Variants in FHIT observed in about 807,000 individuals in gnomAD.
FHIT encodes the protein bis(5'-adenosyl)-triphosphatase.
Under a neutral mutation model 17.9 loss-of-function variants are expected in FHIT, and 19 were observed. That is an observed-to-expected ratio of 1.06 (90% CI 0.74 to 1.56). The LOEUF is 1.56. Ranked by LOEUF, FHIT falls within the 40% of genes most tolerant of loss-of-function variation. The probability of loss-of-function intolerance (pLI) is 0.00; values close to 1 mark genes in which losing one functional copy is unlikely to be tolerated. For synonymous variants in FHIT, 81 were observed against 69.7 expected (o/e 1.16, Z -0.81); for missense variants, 248 against 189.2 (o/e 1.31, Z -1.82).
intron 8 of FHIT, among the ~76,000 whole-genome samples, chr3:59,901,507 G>A (rs184478483): frequency 4.3e-4 from 65 of 152,298 alleles, no homozygotes; most frequent in African/African-American, 1.5e-3. Context: ...AAATGACCAA[G>A]GGGCATGTGG....
chr3:60,985,468 G>C (rs1160120315), intron 3 of FHIT, among the ~76,000 whole-genome samples: 1 of 152,062 alleles, frequency 6.6e-6, no homozygotes, highest in Non-Finnish European at 1.5e-5. Context: ...ATGCCCCACT[G>C]CCTATGGCCA....
chr3:61,043,720 T>C (rs575430496), intron 2 of FHIT, among the ~76,000 whole-genome samples: 9 of 152,192 alleles, frequency 5.9e-5, no homozygotes, highest in Admixed American at 2.0e-4. Flanking sequence ...AACTGGGAGA[T>C]ACCTCCCAGT....
intron 2 of FHIT, among the ~76,000 whole-genome samples, chr3:61,136,204 A>G (rs2036910094): frequency 6.6e-6 from 1 of 151,862 alleles, no homozygotes; most frequent in South Asian, 2.1e-4. Context: ...CAATGCCACC[A>G]CCACCACCGT....
intron 8 of FHIT, among the ~76,000 whole-genome samples, chr3:59,762,429 A>G (rs1198013309): frequency 2.0e-5 from 3 of 152,172 alleles, no homozygotes; most frequent in African/African-American, 4.8e-5. Flanking sequence ...CATTTTCCAC[A>G]TAAAACAAGG....
intron 5 of FHIT, among the ~76,000 whole-genome samples, chr3:60,447,480 T>C (rs545544336): frequency 7.2e-5 from 11 of 152,190 alleles, no homozygotes; most frequent in Non-Finnish European, 1.3e-4. Flanking sequence ...CAACTCATTC[T>C]TAGTTCAATG....
At chr3:61,143,127 C>G (rs902961056) in intron 2 of FHIT, among the ~76,000 whole-genome samples, 1 of 152,106 alleles carries the variant, frequency 6.6e-6, no homozygotes, top group Non-Finnish European at 1.5e-5. Context: ...AAGATACCAA[C>G]TGCTTTTTAA....
At chr3:59,984,642 T>C (rs11130743) in intron 7 of FHIT, among the ~76,000 whole-genome samples, 5 of 151,894 alleles carry the variant, frequency 3.3e-5, no homozygotes, top group African/African-American at 1.2e-4. Context: ...TCCCAGAGAA[T>C]GGAACCAAGG....
chr3:60,178,420 T>C (rs1701779110), intron 5 of FHIT, among the ~76,000 whole-genome samples: 1 of 151,930 alleles, frequency 6.6e-6, no homozygotes, highest in Admixed American at 6.6e-5. Context: ...ACCCTTTCTG[T>C]AATAAAAATA....
intron 4 of FHIT, among the ~76,000 whole-genome samples, chr3:60,667,966 G>T (rs1365472655): frequency 2.0e-5 from 3 of 152,012 alleles, no homozygotes; most frequent in African/African-American, 7.2e-5. Context: ...AGTGGGAGAG[G>T]AATACGGTGG....
chr3:61,045,820 T>A (rs533002069), intron 2 of FHIT, among the ~76,000 whole-genome samples: 3 of 151,862 alleles, frequency 2.0e-5, no homozygotes, highest in Non-Finnish European at 4.4e-5. Context: ...AAACTAGAAA[T>A]CATAATCAAG....
At chr3:61,202,005 C>G (rs1380607354) in intron 1 of FHIT, among the ~76,000 whole-genome samples, 1 of 151,766 alleles carries the variant, frequency 6.6e-6, no homozygotes, top group Non-Finnish European at 1.5e-5. Flanking sequence ...TATACACACA[C>G]ATGTACAAAT....
chr3:60,476,824 C>G (rs1318351119), intron 5 of FHIT, among the ~76,000 whole-genome samples: 1 of 150,142 alleles, frequency 6.7e-6, no homozygotes, highest in Non-Finnish European at 1.5e-5. Context: ...ATCATTTGGT[C>G]TCGTCCTGGA....
chr3:60,626,461 T>C (rs781996411), intron 4 of FHIT, among the ~76,000 whole-genome samples: 50 of 152,210 alleles, frequency 3.3e-4, no homozygotes, highest in Non-Finnish European at 5.9e-4. Context: ...TATTTATTCT[T>C]TTTGATGCCC....
intron 4 of FHIT, among the ~76,000 whole-genome samples, chr3:60,740,375 A>G (rs2042217652): frequency 6.6e-6 from 1 of 152,204 alleles, no homozygotes; most frequent in South Asian, 2.1e-4. Context: ...AAAAGGAGAT[A>G]ATCAATGTAC....
At chr3:60,102,125 A>C (rs12488398) in intron 5 of FHIT, among the ~76,000 whole-genome samples, 2,050 of 152,328 alleles carry the variant, frequency 0.013, 76 homozygotes, top group Admixed American at 0.074. Flanking sequence ...TTTATCTTCA[A>C]TACAATACCT....
intron 4 of FHIT, among the ~76,000 whole-genome samples, chr3:60,549,412 C>T (rs542879750): frequency 2.4e-4 from 36 of 152,236 alleles, no homozygotes; most frequent in Non-Finnish European, 2.2e-4. Context: ...GAGGAAGGTC[C>T]TTCATACACC....
intron 5 of FHIT, among the ~76,000 whole-genome samples, chr3:60,464,455 T>C (rs138803024): frequency 1.7e-3 from 260 of 152,258 alleles, no homozygotes; most frequent in African/African-American, 6.0e-3. Flanking sequence ...ATACTAGATC[T>C]TATACATCAT....
chr3:61,039,651 A>T (rs1021222013), intron 3 of FHIT, among the ~76,000 whole-genome samples: 3 of 152,188 alleles, frequency 2.0e-5, no homozygotes, highest in African/African-American at 7.2e-5. Flanking sequence ...GGAGTTGAAC[A>T]ATGAGAACAC....
intron 3 of FHIT, among the ~76,000 whole-genome samples, chr3:60,969,120 T>G (rs1430897320): frequency 6.6e-6 from 1 of 152,144 alleles, no homozygotes; most frequent in Non-Finnish European, 1.5e-5. Flanking sequence ...GCTTCTTCCT[T>G]AAATGTTTGG....
Sources: allele counts gnomAD v4.1 joint callset (sites outside exome capture counted in the v4.1 genomes callset), GRCh38; gene constraint gnomAD v4.1.1; transcripts MANE v1.5; gene names NCBI Gene and HGNC (gene_info 2026-07-23, HGNC 2026-07-21).